Variants in ANGPT1 observed in about 807,000 individuals in gnomAD.
The protein encoded by ANGPT1 is angiopoietin 1, also known as angiopoietin-1.
ANGPT1 carries 17 observed loss-of-function variants against 62.2 expected under a neutral mutation model. The ratio of observed to expected loss-of-function variants is 0.27; its 90% confidence interval spans 0.19 to 0.41. The LOEUF is 0.41. Ranked by LOEUF, ANGPT1 falls within the 10% of genes least tolerant of loss-of-function variation. The probability of loss-of-function intolerance (pLI) is 1.00; values close to 1 mark genes in which losing one functional copy is unlikely to be tolerated. For missense variants in ANGPT1, 478 were observed against 594.9 expected, an observed-to-expected ratio of 0.80 and a Z score of 2.04; for synonymous variants, 199 against 198.9, an observed-to-expected ratio of 1.00 and a Z score of 0.00.
chr8:107,412,609 C>T lies in ANGPT1; in HGVS notation c.298-65512G>A, dbSNP rs938615956. 8.6e-5 allele frequency among the ~76,000 whole-genome samples: 13 copies of T among 152,030 alleles called. No individual in the cohort carries two copies. The East Asian group carries it at 9.6e-4, about 11-fold the overall frequency. ...AGAAATGTGGTCATTTATTTAAATC[C>T]GCATTGAGTATATCCCATATTCCAG... is the stretch of plus-strand genomic sequence containing the variant. On this transcript the variant is annotated intron_variant, in intron 1 of 8. Transcript: ENST00000517746.
At chr8:107,279,543 G>A (rs995521974) in intron 7 of ANGPT1, among the ~76,000 whole-genome samples, 3 of 152,086 alleles carry the variant, frequency 2.0e-5, no homozygotes, top group African/African-American at 7.2e-5. Context: ...CCTACTCATC[G>A]TTATCAGTGC....
At chr8:107,487,358 T>C (rs1812840670) in intron 1 of ANGPT1, among the ~76,000 whole-genome samples, 2 of 152,156 alleles carry the variant, frequency 1.3e-5, no homozygotes, top group African/African-American at 2.4e-5. Context: ...CTGCTTTTAA[T>C]CTCAGAAGTC....
At chr8:107,464,539 C>T (rs1228198864) in intron 1 of ANGPT1, among the ~76,000 whole-genome samples, 2 of 151,998 alleles carry the variant, frequency 1.3e-5, no homozygotes, top group African/African-American at 2.4e-5. Context: ...TGATCAAAGC[C>T]TATCCCTGAC....
At chr8:107,442,647 T>C (rs1005149506) in intron 1 of ANGPT1, among the ~76,000 whole-genome samples, 1 of 152,260 alleles carries the variant, frequency 6.6e-6, no homozygotes, top group Non-Finnish European at 1.5e-5. Flanking sequence ...CCTAACTCCG[T>C]ATCTTCTACC....
intron 2 of ANGPT1, among the ~76,000 whole-genome samples, chr8:107,342,058 G>A (rs562637404): frequency 1.3e-4 from 20 of 151,968 alleles, no homozygotes; most frequent in African/African-American, 3.6e-4. Flanking sequence ...CTCAGAGTAC[G>A]GAAAAGAAAA....
chr8:107,389,496 A>G (rs1394833323), intron 1 of ANGPT1, among the ~76,000 whole-genome samples: 1 of 152,138 alleles, frequency 6.6e-6, no homozygotes. Context: ...CAGGACCTTG[A>G]CAGGAATAGC....
chr8:107,380,245 C>G (rs1816608772), intron 1 of ANGPT1, among the ~76,000 whole-genome samples: 1 of 151,928 alleles, frequency 6.6e-6, no homozygotes, highest in South Asian at 2.1e-4. Context: ...TGGTAATGGA[C>G]TATTCAGTCT....
At chr8:107,362,020 A>T (rs551255586) in intron 1 of ANGPT1, among the ~76,000 whole-genome samples, 1 of 152,312 alleles carries the variant, frequency 6.6e-6, no homozygotes, top group South Asian at 2.1e-4. Context: ...GCGCCACTGC[A>T]CTCTGGCCTG....
intron 8 of ANGPT1, among the ~76,000 whole-genome samples, chr8:107,258,588 T>A (rs1404649738): frequency 6.6e-6 from 1 of 152,220 alleles, no homozygotes; most frequent in Non-Finnish European, 1.5e-5. Context: ...AAAAGACATT[T>A]TCTGATACTC....
chr8:107,323,924 C>T (rs10095329), intron 3 of ANGPT1, among the ~76,000 whole-genome samples: 45,014 of 151,606 alleles, frequency 0.3, 7,369 homozygotes, highest in Admixed American at 0.39. Context: ...GGACTACAGG[C>T]GCCTGCCACC....
At chr8:107,429,548 G>A (rs1273646471) in intron 1 of ANGPT1, among the ~76,000 whole-genome samples, 1 of 151,508 alleles carries the variant, frequency 6.6e-6, no homozygotes, top group Non-Finnish European at 1.5e-5. Flanking sequence ...AGAGTCTGCA[G>A]TGAAATGCTT....
intron 1 of ANGPT1, among the ~76,000 whole-genome samples, chr8:107,431,902 T>G (rs1811197465): frequency 6.6e-6 from 1 of 152,132 alleles, no homozygotes; most frequent in South Asian, 2.1e-4. Flanking sequence ...TATAACAAAC[T>G]TACATCTTAA....
At chr8:107,418,743 T>A (rs180734766) in intron 1 of ANGPT1, among the ~76,000 whole-genome samples, 94 of 152,214 alleles carry the variant, frequency 6.2e-4, no homozygotes, top group Non-Finnish European at 1.2e-3. Context: ...AAACTTTGGA[T>A]CCAACATAGA....
chr8:107,402,137 G>A (rs1817059201), intron 1 of ANGPT1, among the ~76,000 whole-genome samples: 1 of 152,176 alleles, frequency 6.6e-6, no homozygotes, highest in South Asian at 2.1e-4. Context: ...CATCACTTCT[G>A]AAGATCCAAT....
intron 1 of ANGPT1, among the ~76,000 whole-genome samples, chr8:107,439,291 T>A (rs1811411592): frequency 6.6e-6 from 1 of 152,238 alleles, no homozygotes; most frequent in Non-Finnish European, 1.5e-5. Context: ...ATTTAACTTC[T>A]TCTAACCTTA....
intron 1 of ANGPT1, among the ~76,000 whole-genome samples, chr8:107,470,070 G>T (rs969860580): frequency 6.6e-6 from 1 of 151,902 alleles, no homozygotes; most frequent in African/African-American, 2.4e-5. Flanking sequence ...TAGAATAGAG[G>T]CATCAAAACC....
chr8:107,327,838 G>A (rs192200848), intron 3 of ANGPT1, among the ~76,000 whole-genome samples: 2 of 152,046 alleles, frequency 1.3e-5, no homozygotes, highest in Non-Finnish European at 2.9e-5. Context: ...TCTGTGCCTC[G>A]AACTTTAGTA....
At chr8:107,471,124 A>T (rs1290168584) in intron 1 of ANGPT1, among the ~76,000 whole-genome samples, 1 of 152,172 alleles carries the variant, frequency 6.6e-6, no homozygotes, top group Non-Finnish European at 1.5e-5. Context: ...TGTTTGCAAT[A>T]GCAAAGACCT....
chr8:107,289,019 C>T (rs888756188), intron 6 of ANGPT1, among the ~76,000 whole-genome samples: 1 of 152,070 alleles, frequency 6.6e-6, no homozygotes, highest in Non-Finnish European at 1.5e-5. Context: ...AATACAATTT[C>T]CTCTTTTTCA....
Sources: gnomAD v4.1 joint callset for allele counts (sites outside exome capture counted in the v4.1 genomes callset) on GRCh38, gnomAD v4.1.1 for gene constraint, MANE v1.5 for transcripts, NCBI Gene and HGNC (gene_info 2026-07-23, HGNC 2026-07-21) for gene names.